Variants in LRFN5 observed in about 807,000 individuals in gnomAD.
The protein encoded by LRFN5 is leucine-rich repeat and fibronectin type-III domain-containing protein 5.
A neutral mutation model predicts 45.6 loss-of-function variants in LRFN5; 24 were observed. That is an observed-to-expected ratio of 0.53 (90% CI 0.38 to 0.74). LRFN5 has a LOEUF of 0.74. Ranked by LOEUF, LRFN5 falls within the 30% of genes least tolerant of loss-of-function variation. The pLI is 0.00. For synonymous variants in LRFN5, 340 were observed against 313.8 expected (o/e 1.08, Z -0.88); for missense variants, 776 against 861.5 (o/e 0.90, Z 1.24).
intron 1 of LRFN5, among the ~76,000 whole-genome samples, chr14:41,681,712 C>T (rs916818399): frequency 6.6e-6 from 1 of 151,836 alleles, no homozygotes; most frequent in Non-Finnish European, 1.5e-5. Context: ...ACAAGACTCA[C>T]TAGTAAAAGT....
chr14:41,780,679 G>T (rs191289628), intron 2 of LRFN5, among the ~76,000 whole-genome samples: 279 of 152,070 alleles, frequency 1.8e-3, no homozygotes, highest in African/African-American at 6.5e-3. Context: ...TGTTACAAAT[G>T]ATTACTATAT....
chr14:41,869,243 A>G (rs1444887162), intron 2 of LRFN5, among the ~76,000 whole-genome samples: 1 of 152,128 alleles, frequency 6.6e-6, no homozygotes, highest in Non-Finnish European at 1.5e-5. Flanking sequence ...TGCTGAAAGG[A>G]AAACACTTTT....
chr14:41,659,892 G>GTTTTTTTTTTTTTT (rs11352345), intron 1 of LRFN5, among the ~76,000 whole-genome samples: 5 of 123,888 alleles, frequency 4.0e-5, no homozygotes, highest in Non-Finnish European at 8.8e-5. Flanking sequence ...ACTTTTTGAT[G>GTTTTTTTTTTTTTT]TTTTTTTTTT....
chr14:41,613,932 T>G (rs1887845915), intron 1 of LRFN5, among the ~76,000 whole-genome samples: 1 of 152,030 alleles, frequency 6.6e-6, no homozygotes, highest in Non-Finnish European at 1.5e-5. Flanking sequence ...ACTCCTTATT[T>G]TCTATCTTCA....
At chr14:41,659,855 A>G (rs1376505664) in intron 1 of LRFN5, among the ~76,000 whole-genome samples, 1 of 148,252 alleles carries the variant, frequency 6.7e-6, no homozygotes, top group Non-Finnish European at 1.5e-5. Context: ...CCTTCTTTTG[A>G]GAAGTGTCTG....
intron 2 of LRFN5, among the ~76,000 whole-genome samples, chr14:41,877,430 G>T (rs1001564794): frequency 6.6e-6 from 1 of 152,068 alleles, no homozygotes; most frequent in African/African-American, 2.4e-5. Context: ...GTTAGAGAAG[G>T]CATGATCATG....
Position 41,623,182 on chromosome 14 carries a change from A to G in LRFN5, c.-197+14620A>G, listed in dbSNP as rs1301277362. 2.0e-5 allele frequency among the ~76,000 whole-genome samples: 3 copies of G among 152,214 alleles called. No individual in the cohort carries two copies. The East Asian group carries it at 5.8e-4, about 29-fold the overall frequency. On this transcript the variant is annotated intron_variant, in intron 1 of 5. Coordinates refer to ENST00000298119, the MANE Select transcript of LRFN5 (RefSeq NM_152447.5). Reference sequence around the variant, plus strand: ...ACAGCATTTCTACAGTCATTGAATAAATAATTTTCCATTTGACAAATAAAA... The same window carrying G: ...ACAGCATTTCTACAGTCATTGAATAGATAATTTTCCATTTGACAAATAAAA...
chr14:41,808,489 G>T (rs1887614151), intron 2 of LRFN5, among the ~76,000 whole-genome samples: 1 of 118,946 alleles, frequency 8.4e-6, no homozygotes, highest in African/African-American at 3.3e-5. Context: ...ATACCCAATT[G>T]TGGCCAGACA....
chr14:41,797,223 T>A (rs1887163658), intron 2 of LRFN5, among the ~76,000 whole-genome samples: 1 of 151,810 alleles, frequency 6.6e-6, no homozygotes, highest in Non-Finnish European at 1.5e-5. Flanking sequence ...AATTATTTAT[T>A]TATTTGGGCA....
intron 2 of LRFN5, among the ~76,000 whole-genome samples, chr14:41,807,301 C>T (rs950923188): frequency 1.3e-5 from 2 of 151,930 alleles, no homozygotes; most frequent in African/African-American, 4.8e-5. Flanking sequence ...ATAATATGAT[C>T]GTTTTGTATC....
chr14:41,685,139 G>A (rs1882064596), intron 1 of LRFN5, among the ~76,000 whole-genome samples: 1 of 152,068 alleles, frequency 6.6e-6, no homozygotes, highest in Admixed American at 6.6e-5. Context: ...TTATCCAAAA[G>A]GCAATAACAA....
intron 1 of LRFN5, among the ~76,000 whole-genome samples, chr14:41,642,708 A>C (rs1879635162): frequency 6.6e-6 from 1 of 152,328 alleles, no homozygotes; most frequent in Non-Finnish European, 1.5e-5. Context: ...ATTGACAGAA[A>C]GGCAATACAT....
chr14:41,864,014 T>A (rs1889759200), intron 2 of LRFN5, among the ~76,000 whole-genome samples: 1 of 152,226 alleles, frequency 6.6e-6, no homozygotes, highest in Admixed American at 6.5e-5. Flanking sequence ...CATCCTTTTC[T>A]TTAAGGCTTC....
At chr14:41,784,041 C>A (rs1290039710) in intron 2 of LRFN5, among the ~76,000 whole-genome samples, 3 of 152,038 alleles carry the variant, frequency 2.0e-5, no homozygotes, top group African/African-American at 7.2e-5. Flanking sequence ...ATGTAAGGAG[C>A]TGGGTAGGAT....
chr14:41,882,557 G>T (rs1431829660), intron 2 of LRFN5, among the ~76,000 whole-genome samples: 1 of 151,952 alleles, frequency 6.6e-6, no homozygotes, highest in Non-Finnish European at 1.5e-5. Flanking sequence ...TGAAAATAAG[G>T]TGTATCTGAG....
At chr14:41,609,576 C>T (rs1460533634) in intron 1 of LRFN5, among the ~76,000 whole-genome samples, 2 of 152,134 alleles carry the variant, frequency 1.3e-5, no homozygotes, top group Admixed American at 6.5e-5. Flanking sequence ...CCGCCCCCAT[C>T]GGAAAATTTC....
intron 2 of LRFN5, among the ~76,000 whole-genome samples, chr14:41,768,432 A>G (rs981483330): frequency 1.3e-5 from 2 of 152,132 alleles, no homozygotes; most frequent in Admixed American, 6.5e-5. Context: ...ATTTTAGTGT[A>G]GGTTTCTTCT....
intron 1 of LRFN5, among the ~76,000 whole-genome samples, chr14:41,761,506 T>G (rs1222810793): frequency 6.6e-6 from 1 of 152,162 alleles, no homozygotes; most frequent in African/African-American, 2.4e-5. Flanking sequence ...GTCTGCTGAC[T>G]TTTGCCAAAC....
chr14:41,648,391 T>C (rs1330075952), intron 1 of LRFN5, among the ~76,000 whole-genome samples: 1 of 152,098 alleles, frequency 6.6e-6, no homozygotes, highest in Non-Finnish European at 1.5e-5. Flanking sequence ...AATATAACCA[T>C]ATAGAATTCA....
Sources: allele counts gnomAD v4.1 joint callset (sites outside exome capture counted in the v4.1 genomes callset), GRCh38; gene constraint gnomAD v4.1.1; transcripts MANE v1.5; gene names NCBI Gene and HGNC (gene_info 2026-07-23, HGNC 2026-07-21).